The following PDGFRA variants were observed in gnomAD, a reference collection of about 807,000 sequenced individuals.
PDGFRA encodes the protein platelet-derived growth factor receptor alpha.
A neutral mutation model predicts 121.5 loss-of-function variants in PDGFRA; 25 were observed. The observed-to-expected ratio is 0.21, with a 90% CI of 0.15 to 0.29. PDGFRA has a LOEUF of 0.29. PDGFRA is among the 10% of genes least tolerant of loss of function. PDGFRA has a pLI of 1.00. For missense variants in PDGFRA, 1,008 were observed against 1,345.1 expected (o/e 0.75, Z 3.92); for synonymous variants, 463 against 494.8 (o/e 0.94, Z 0.85).
intron 1 of PDGFRA, among the ~76,000 whole-genome samples, chr4:54,236,172 A>G (rs1425370230): frequency 6.6e-6 from 1 of 152,274 alleles, no homozygotes; most frequent in African/African-American, 2.4e-5. Flanking sequence ...ATTGAAGAAA[A>G]GATTTGGGTG....
chr4:54,253,466 G>A (rs1456139568), intron 1 of PDGFRA, among the ~76,000 whole-genome samples: 1 of 152,136 alleles, frequency 6.6e-6, no homozygotes, highest in Non-Finnish European at 1.5e-5. Flanking sequence ...TAAGAGGATG[G>A]GGGTAAAGCA....
At chr4:54,293,759 A>G (rs1197325997) in intron 22 of PDGFRA, among the ~76,000 whole-genome samples, 1 of 152,098 alleles carries the variant, frequency 6.6e-6, no homozygotes, top group Non-Finnish European at 1.5e-5. Flanking sequence ...ACCAAGGTGG[A>G]GCTAATGCCC....
intron 1 of PDGFRA, among the ~76,000 whole-genome samples, chr4:54,231,036 T>A (rs1190439838): frequency 6.6e-6 from 1 of 152,224 alleles, no homozygotes; most frequent in Non-Finnish European, 1.5e-5. Flanking sequence ...GAGCTGCCGA[T>A]GGCCTGGCCT....
chr4:54,234,868 C>T (rs1720925780), intron 1 of PDGFRA, among the ~76,000 whole-genome samples: 2 of 152,126 alleles, frequency 1.3e-5, no homozygotes, highest in Admixed American at 6.5e-5. Context: ...TTTATTCTCC[C>T]GTGGTTAAAT....
chr4:54,267,832 G>C lies in PDGFRA; in HGVS notation c.1121+91G>C, dbSNP rs941489585. 7 of 990,406 alleles carry C rather than the reference G, an allele frequency of 7.1e-6. No homozygotes were observed. The East Asian group carries it at 1.8e-4, about 25-fold the overall frequency. The allele number at this position is 990,406 out of a possible 1,614,324, so 61.4% of individuals were successfully genotyped here. A position where few individuals can be genotyped will look rare whatever the true frequency, so the allele number is the denominator to read the frequency against. On this transcript the variant is annotated intron_variant, in intron 7 of 22. Transcript: ENST00000257290. ...GTGTGTCTTACAACCCAGACCCAAA[G>C]TCAGTCTAGAAAATGTAACAATCTG...
At position 54,258,755 on chromosome 4, in the gene PDGFRA, A is replaced by G; in HGVS notation, c.-12-2A>G. ...GTTTCTGTTGACTTTTGACTTTTCT[A>G]GTTTCCCAGAGCTATGGGGACTTCC... On this transcript the variant is annotated splice_acceptor_variant, in intron 1 of 22. Coordinates refer to ENST00000257290, the MANE Select transcript of PDGFRA (RefSeq NM_006206.6). LOFTEE classifies it low-confidence loss of function (5UTR_SPLICE). 6.2e-7 allele frequency: 1 copy of G among 1,606,222 alleles called. No homozygotes were observed. The highest frequency in any genetic ancestry group is 8.5e-7 in the Non-Finnish European group (1 of 1,172,772).
chr4:54,280,186 T>G, intron 15 of PDGFRA, 130 bp from the exon 16 acceptor site: 1 of 687,730 alleles, frequency 1.5e-6, no homozygotes. Context: ...AAGGTATGGA[T>G]TGGTTTTGCT....
At chr4:54,235,584 G>T (rs1464309622) in intron 1 of PDGFRA, among the ~76,000 whole-genome samples, 1 of 152,218 alleles carries the variant, frequency 6.6e-6, no homozygotes, top group Non-Finnish European at 1.5e-5. Context: ...ATCTTTGAAT[G>T]GTCTTTATAG....
intron 22 of PDGFRA, 138 bp downstream of exon 22, chr4:54,290,692 G>T (rs1006924635): frequency 4.2e-6 from 4 of 954,238 alleles, no homozygotes; most frequent in African/African-American, 1.6e-5. Flanking sequence ...ATCCTCAGGA[G>T]GTCCACGTGG....
chr4:54,274,936 C>T lies in PDGFRA; in HGVS notation c.1749C>T (p.Asp583=), dbSNP rs769891784. The T allele has an allele frequency of 1.2e-6, 2 of 1,614,140 alleles. No homozygotes were observed. Among genetic ancestry groups the T allele is most frequent in the Admixed American group, 1.7e-5 (1 of 60,024 alleles). The change falls in exon 12 of 23, where the codon GAC becomes GAT. Residue 583 remains aspartate, a synonymous_variant. Transcript: ENST00000257290. The stretch of plus-strand genomic sequence containing the variant: ...TGGACCCGATGCAGCTGCCTTATGA[C>T]TCAAGATGGGAGTTTCCAAGAGATG... ...IYVDPMQLPY[D]SRWEFPRDGL... is the part of the protein sequence containing the mutation.
At chr4:54,244,928 C>G (rs528668025) in intron 1 of PDGFRA, among the ~76,000 whole-genome samples, 80 of 152,154 alleles carry the variant, frequency 5.3e-4, no homozygotes, top group African/African-American at 1.8e-3. Context: ...AATGCAGAAG[C>G]CTTAGGAGCT....
At chr4:54,281,724 T>A in intron 16 of PDGFRA, 1 of 1,353,842 alleles carries the variant, frequency 7.4e-7, no homozygotes, top group Non-Finnish European at 9.7e-7. Flanking sequence ...ACTCTTCACT[T>A]GCTGAACATT....
chr4:54,237,094 G>A (rs568744549), intron 1 of PDGFRA, among the ~76,000 whole-genome samples: 212 of 152,026 alleles, frequency 1.4e-3, no homozygotes, highest in Non-Finnish European at 2.5e-3. Context: ...TCAGCCTCCC[G>A]AGTAGCTGGG....
At chr4:54,278,663 T>C in intron 15 of PDGFRA, 148 bp downstream of exon 15, 1 of 759,128 alleles carries the variant, frequency 1.3e-6, no homozygotes. Context: ...AGTCTTTCCA[T>C]GGTCATGCAG....
Position 54,257,081 on chromosome 4 carries a change from G to A in PDGFRA, c.-12-1676G>A, listed in dbSNP as rs192835623. On this transcript the variant is annotated intron_variant, in intron 1 of 22. Transcript: ENST00000257290. ...CTAGGATGCAATGAAGAAGGAAGCC[G>A]AAACCCACCAAAACCAAGACGGTGA... 3.6e-3 allele frequency among the ~76,000 whole-genome samples: 552 copies of A among 152,198 alleles called. 4 individuals are homozygous for A. Among genetic ancestry groups the A allele is most frequent in the African/African-American group, 0.012 (506 of 41,540 alleles).
chr4:54,230,682 C>G (rs1421187670), intron 1 of PDGFRA: 1 of 151,612 alleles, frequency 6.6e-6, no homozygotes, highest in South Asian at 2.1e-4. Context: ...TACCCGGCAC[C>G]CTTCTCCGCG....
At position 54,296,634 on chromosome 4, in the gene PDGFRA, AT is replaced by A. The variant is rs1331093477; in HGVS notation, c.*1364del. On this transcript the variant is annotated 3_prime_UTR_variant, in exon 23 of 23. Coordinates refer to ENST00000257290, the MANE Select transcript of PDGFRA (RefSeq NM_006206.6). ...TAGATCCTGGGTTTCCATCCTTGAG[AT>A]TCTGAAGTATGAAGTCTGAGGGAAA... 2.2e-5 allele frequency: 5 copies of A among 232,508 alleles called. No individual in the cohort carries two copies. The highest frequency in any genetic ancestry group is 5.6e-5 in the Admixed American group (1 of 17,764). 14.4% of individuals were successfully genotyped at this position (232,508 alleles called of 1,614,324 possible).
At chr4:54,277,293 C>T (rs1184007588) in intron 12 of PDGFRA, 95 bp from the exon 13 acceptor site, 17 of 844,292 alleles carry the variant, frequency 2.0e-5, no homozygotes, top group Admixed American at 3.5e-5. Context: ...GAAAGACACT[C>T]GCCCAGCTGT....
Position 54,274,569 on chromosome 4 carries a change from G to T in PDGFRA, c.1597G>T (p.Val533Leu), listed in dbSNP as rs1723603347. 1 of 1,614,030 alleles carries T rather than the reference G, an allele frequency of 6.2e-7. No individual in the cohort carries two copies. The highest frequency in any genetic ancestry group is 8.5e-7 in the Non-Finnish European group (1 of 1,179,932). The part of the protein sequence containing the change: ...SELTVAAAVL[V>L]LLVIVIISLI... ...ACTCACGGTGGCTGCTGCAGTCCTG[G>T]TGCTGTTGGTGATTGTGATCATCTC... The change falls in exon 11 of 23, where the codon GTG (valine) becomes TTG (leucine). Residue 533 changes from valine (V) to leucine (L), a missense_variant. Physicochemically the swap from Val to Leu is conservative, Grantham distance 32 (BLOSUM62 1). Around this residue, in one of 5 missense-constraint regions of PDGFRA, gnomAD observed 575 missense variants for 701.8 expected, o/e 0.82. Transcript: ENST00000257290.
Sources: gnomAD v4.1 joint callset for allele counts (sites outside exome capture counted in the v4.1 genomes callset) on GRCh38, gnomAD v4.1.1 for gene constraint, gnomAD v4.1.1 regional missense constraint, MANE v1.5 for transcripts, NCBI Gene and HGNC (gene_info 2026-07-23, HGNC 2026-07-21) for gene names.